The following COL20A1 variants were observed in gnomAD, a reference collection of about 807,000 sequenced individuals.
COL20A1 encodes collagen alpha-1(XX) chain.
In COL20A1, 164 loss-of-function variants were observed where a neutral mutation model predicts 152.9. That is an observed-to-expected ratio of 1.07 (90% CI 0.94 to 1.22). The LOEUF is 1.22. COL20A1 is among the 50% of genes most tolerant of loss of function. The pLI, the probability that COL20A1 is intolerant of heterozygous loss-of-function variation, is 0.00. For missense variants in COL20A1, 1,873 were observed against 1,744.8 expected (o/e 1.07, Z -1.31); for synonymous variants, 864 against 756.0 (o/e 1.14, Z -2.34).
chr20:63,329,625 G>T lies in COL20A1; in HGVS notation c.3822G>T (p.Gln1274His), dbSNP rs369238688. 3 of 1,606,662 alleles carry T rather than the reference G, an allele frequency of 1.9e-6. No homozygotes were observed. Among genetic ancestry groups the T allele is most frequent in the Non-Finnish European group, 2.5e-6 (3 of 1,178,592 alleles). The change falls in exon 35 of 36, where the codon CAG becomes CAT. Residue 1274 changes from glutamine to histidine, a missense_variant. By Grantham distance (24) the Gln-to-His change is conservative (BLOSUM62 0). Coordinates refer to ENST00000358894, the MANE Select transcript of COL20A1 (RefSeq NM_020882.4). The part of the protein sequence containing the change: ...GAVGQMGSPG[Q>H]QGASTQGLWE ...TTGGTCAGATGGGCAGCCCTGGGCA[G>T]CAGGGGGCTAGCACCCAGGGCCTCT...
intron 15 of COL20A1, 21 bp downstream of exon 15, chr20:63,312,570 G>C (rs749838775): frequency 6.4e-7 from 1 of 1,553,246 alleles, no homozygotes; most frequent in South Asian, 1.2e-5. Context: ...AGAGGCTGGG[G>C]CTGGGGGTCC....
At position 63,306,018 on chromosome 20, in the gene COL20A1, A is replaced by G; in HGVS notation, c.475A>G (p.Ser159Gly). 1 of 1,612,288 alleles carries G rather than the reference A, an allele frequency of 6.2e-7. No homozygotes were observed. The change falls in exon 5 of 36, where the codon AGC becomes GGC. Residue 159 changes from serine to glycine, a missense_variant. Physicochemically the swap from Ser to Gly is moderately conservative, Grantham distance 56 (BLOSUM62 0). Transcript: ENST00000358894. This position sits in a 1 kb window ranked among gnomAD's most constrained non-coding sequence, Gnocchi z 6.9. ...ASEPQVAFTP[S>G]QDPRTPAGPQ... ...TGAGCCCCAAGTTGCCTTCACACCA[A>G]GCCAGGATCCGCGCACTCCTGGTGG...
rs529044009 is a variant in COL20A1, at chr20:63,332,213, A to G, written c.*1497A>G. On this transcript the variant is annotated 3_prime_UTR_variant, in exon 36 of 36. Transcript: ENST00000358894. ...CATGTGGCCAAAGTAGGTGCAGGTA[A>G]AGCAGCATCTGGGGCAGAGTTATAG... 7.9e-5 allele frequency: 12 copies of G among 152,422 alleles called. No homozygotes were observed. Among genetic ancestry groups the G allele is most frequent in the Non-Finnish European group, 1.5e-4 (10 of 68,108 alleles). The allele number at this position is 152,422 out of a possible 1,614,324, so 9.4% of individuals were successfully genotyped here.
chr20:63,316,112 C>A (rs2123413567), intron 20 of COL20A1, among the ~76,000 whole-genome samples: 1 of 152,046 alleles, frequency 6.6e-6, no homozygotes, highest in South Asian at 2.1e-4. Flanking sequence ...GGGGAACTCA[C>A]TGACAGAGTC....
chr20:63,317,133 C>G (rs1282352305), intron 21 of COL20A1, among the ~76,000 whole-genome samples: 1 of 152,128 alleles, frequency 6.6e-6, no homozygotes, highest in Non-Finnish European at 1.5e-5. Flanking sequence ...AGTTGTTCAT[C>G]GTGACCCTGA....
rs1352999978 is a variant in COL20A1, at chr20:63,321,046, G to GCCTGTT, written c.3197_3202dup (p.Cys1066_Ser1067dup). On this transcript the variant is annotated inframe_insertion, in exon 26 of 36. Coordinates refer to ENST00000358894, the MANE Select transcript of COL20A1 (RefSeq NM_020882.4). ...AGAGACCTGCCCCGCCTTCGTGTCTGCCTGTTCCTGTTCCTCAGAGACCCC... is the reference window on the plus strand; with the variant it reads ...AGAGACCTGCCCCGCCTTCGTGTCTGCCTGTTCCTGTTCCTGTTCCTCAGAGACCCC... 1 of 1,601,190 alleles carries GCCTGTT rather than the reference G, an allele frequency of 6.2e-7. No individual in the cohort carries two copies. Among genetic ancestry groups the GCCTGTT allele is most frequent in the Non-Finnish European group, 8.5e-7 (1 of 1,174,754 alleles).
chr20:63,325,325 C>CA, intron 27 of COL20A1, 116 bp from the exon 28 acceptor site: 1 of 815,726 alleles, frequency 1.2e-6, no homozygotes, highest in South Asian at 1.4e-5. Context: ...GCCAGCAGGG[C>CA]TCGCCGGGGA....
intron 26 of COL20A1, 21 bp from the exon 27 acceptor site, chr20:63,322,037 G>T: frequency 4.0e-6 from 6 of 1,511,282 alleles, no homozygotes; most frequent in Non-Finnish European, 5.3e-6. Context: ...TGGGGGCTTA[G>T]CCCTGTTTGT....
rs538336070 is a variant in COL20A1 at position 63,329,689 on chromosome 20, G to T, written c.*3+28G>T. ...GAGCCCCTGCTGCCTGCATCTATCT[G>T]CCAAGGCTGAGGGCATCCAGGAAGG... On this transcript the variant is annotated intron_variant, in intron 35 of 35. Transcript: ENST00000358894. 1.6e-5 allele frequency: 24 copies of T among 1,504,898 alleles called. No individual in the cohort carries two copies. The East Asian group carries it at 5.8e-4, about 36-fold the overall frequency. 93.2% of individuals were successfully genotyped at this position (1,504,898 alleles called of 1,614,324 possible). A position where few individuals can be genotyped will look rare whatever the true frequency, so the allele number is the denominator to read the frequency against.
intron 26 of COL20A1, 82 bp downstream of exon 26, chr20:63,321,181 C>T (rs1873504999): frequency 4.6e-6 from 4 of 869,846 alleles, no homozygotes; most frequent in Non-Finnish European, 7.3e-6. Context: ...GTAACCCAGG[C>T]CCTCCCGCCC....
chr20:63,315,561 C>A, intron 20 of COL20A1, 122 bp downstream of exon 20: 1 of 902,910 alleles, frequency 1.1e-6, no homozygotes, highest in Non-Finnish European at 1.6e-6. Context: ...GATGTTTGGG[C>A]GGGTTTGTGC....
Position 63,332,240 on chromosome 20 carries a change from C to T in COL20A1, c.*1524C>T, listed in dbSNP as rs1406981898. Reference sequence around the variant, plus strand: ...GCAGCATCTGGGGCAGAGTTATAGCCTTCAGTGCAGGTATCAGACACAGTT... The same window carrying T: ...GCAGCATCTGGGGCAGAGTTATAGCTTTCAGTGCAGGTATCAGACACAGTT... On this transcript the variant is annotated 3_prime_UTR_variant, in exon 36 of 36. Coordinates refer to ENST00000358894, the MANE Select transcript of COL20A1 (RefSeq NM_020882.4). The T allele has an allele frequency of 1.3e-5, 2 of 152,334 alleles. No individual in the cohort carries two copies. The highest frequency in any genetic ancestry group is 2.4e-5 in the African/African-American group (1 of 41,464). 9.4% of individuals were successfully genotyped at this position (152,334 alleles called of 1,614,324 possible).
In COL20A1 at chr20:63,319,627, G is replaced by A. The variant is rs762633063; in HGVS notation, c.2916+31G>A. On this transcript the variant is annotated intron_variant, in intron 23 of 35. Coordinates refer to ENST00000358894, the MANE Select transcript of COL20A1 (RefSeq NM_020882.4). The surrounding 1 kb of genome is among the most constrained non-coding windows in gnomAD (Gnocchi z 4.4). ...GGTGCAGCTCGCGCCCCTCTCCCCC[G>A]TTCCCCCAGCTCTGGGGCAGCCCAG... The A allele has an allele frequency of 5.3e-5, 79 of 1,483,494 alleles. 1 individual carries two copies. Among genetic ancestry groups the A allele is most frequent in the South Asian group, 4.4e-4 (36 of 82,538 alleles). 91.9% of individuals were successfully genotyped at this position (1,483,494 alleles called of 1,614,324 possible). A position where few individuals can be genotyped will look rare whatever the true frequency, so the allele number is the denominator to read the frequency against.
Position 63,307,487 on chromosome 20 carries a change from C to T in COL20A1, c.497-3C>T. 5 of 1,610,440 alleles carry T rather than the reference C, an allele frequency of 3.1e-6. No homozygotes were observed. Among genetic ancestry groups the T allele is most frequent in the Non-Finnish European group, 4.2e-6 (5 of 1,178,950 alleles). On this transcript the variant is annotated splice_region_variant and splice_polypyrimidine_tract_variant and intron_variant, in intron 5 of 35. Coordinates refer to ENST00000358894, the MANE Select transcript of COL20A1 (RefSeq NM_020882.4). Reference sequence around the variant, plus strand: ...AGCACCTGACCCGCTCCCACCGCCCCAGCCGGCCCCCAGTTCCGCTGCCTG... The same window carrying T: ...AGCACCTGACCCGCTCCCACCGCCCTAGCCGGCCCCCAGTTCCGCTGCCTG...
At chr20:63,307,466 C>T (rs773895693) in intron 5 of COL20A1, 24 bp from the exon 6 acceptor site, 10 of 1,603,460 alleles carry the variant, frequency 6.2e-6, no homozygotes, top group African/African-American at 2.7e-5. Context: ...TCACCTAGCA[C>T]CTGACCCGCT....
At chr20:63,303,347 G>A (rs558655643) in intron 3 of COL20A1, among the ~76,000 whole-genome samples, 6 of 152,136 alleles carry the variant, frequency 3.9e-5, no homozygotes, top group African/African-American at 1.4e-4. Context: ...AGGCATGCCC[G>A]GCTTTTAAAA....
intron 1 of COL20A1, among the ~76,000 whole-genome samples, chr20:63,293,910 G>T (rs6011722): frequency 2.8e-5 from 3 of 105,410 alleles, no homozygotes; most frequent in African/African-American, 3.9e-5. Flanking sequence ...TCGGCTGCAG[G>T]GGGTGGGAGG....
Position 63,320,035 on chromosome 20 carries a change from A to G in COL20A1, c.2917-4A>G, listed in dbSNP as rs537588435. 15 of 1,552,604 alleles carry G rather than the reference A, an allele frequency of 9.7e-6. No homozygotes were observed. The East Asian group carries it at 3.7e-4, about 38-fold the overall frequency. On this transcript the variant is annotated splice_polypyrimidine_tract_variant and splice_region_variant and intron_variant, in intron 23 of 35. Coordinates refer to ENST00000358894, the MANE Select transcript of COL20A1 (RefSeq NM_020882.4). ...TGTGGAGAACCTCCCGTGCCGTCTC[A>G]CAGGTGCACGTGGCTGTGGGCCGCT...
At chr20:63,316,208 G>T (rs2068082234) in intron 20 of COL20A1, among the ~76,000 whole-genome samples, 1 of 152,146 alleles carries the variant, frequency 6.6e-6, no homozygotes, top group Non-Finnish European at 1.5e-5. Context: ...GTGGGAGTTG[G>T]GGCTCATGAT....
Sources: gnomAD v4.1 joint callset for allele counts (sites outside exome capture counted in the v4.1 genomes callset) on GRCh38, gnomAD v4.1.1 for gene constraint, Gnocchi (gnomAD v3.1) non-coding constraint, MANE v1.5 for transcripts, NCBI Gene and HGNC (gene_info 2026-07-23, HGNC 2026-07-21) for gene names.